Variants in NTPCR observed in about 807,000 individuals in gnomAD.
NTPCR encodes the protein nucleoside-triphosphatase, cancer-related.
Under a neutral mutation model 19.5 loss-of-function variants are expected in NTPCR, and 15 were observed. The ratio of observed to expected loss-of-function variants is 0.77; its 90% CI spans 0.51 to 1.18. The LOEUF is 1.18. Among genes scored for constraint, NTPCR ranks in the 50% most tolerant of loss-of-function variants. NTPCR has a pLI of 0.00. For missense variants in NTPCR, 206 were observed against 240.4 expected (o/e 0.86, Z 0.95); for synonymous variants, 90 against 95.8 (o/e 0.94, Z 0.36).
At position 232,957,918 on chromosome 1, in the gene NTPCR, T is replaced by C. The variant is rs149983271; in HGVS notation, c.294+1475T>C. Among the ~76,000 whole-genome samples the C allele has an allele frequency of 2.0e-4, 31 of 152,086 alleles. No homozygotes were observed. In the South Asian group the frequency reaches 2.5e-3, roughly 12 times the overall value. On this transcript the variant is annotated intron_variant, in intron 3 of 4. Coordinates refer to ENST00000366628, the MANE Select transcript of NTPCR (RefSeq NM_032324.3). ...ACAGAAAGGAACAGGTGAGAGGGCA[T>C]TGGGGAGAGAGAGTTAGTATTGGGG...
At chr1:232,964,060 G>A (rs1668744005) in intron 3 of NTPCR, 1 of 152,046 alleles carries the variant, frequency 6.6e-6, no homozygotes, top group Non-Finnish European at 1.5e-5. Flanking sequence ...TATCGTTAGT[G>A]TTCTAGTTTC....
chr1:232,951,332 G>A (rs910942796), intron 1 of NTPCR, among the ~76,000 whole-genome samples: 5 of 151,892 alleles, frequency 3.3e-5, no homozygotes, highest in African/African-American at 7.3e-5. Context: ...ACCTACAGGA[G>A]CCCTTCTCAG....
chr1:232,967,090 C>T (rs965817456), intron 3 of NTPCR: 2 of 152,172 alleles, frequency 1.3e-5, no homozygotes, highest in Non-Finnish European at 2.9e-5. Context: ...ACCTGGGCCC[C>T]TATTGTTCTA....
In NTPCR at chr1:232,980,885, G is replaced by C. The variant is rs1255100137; in HGVS notation, c.*2654G>C. On this transcript the variant is annotated 3_prime_UTR_variant, in exon 5 of 5. Transcript: ENST00000366628. ...GGTGGGGGCAGCAGGGCAGATTGAAGTCAGGGATTCTCTTATACCTGAGTT... is the reference window on the plus strand; with the variant it reads ...GGTGGGGGCAGCAGGGCAGATTGAACTCAGGGATTCTCTTATACCTGAGTT... 6.6e-6 allele frequency: 1 copy of C among 152,244 alleles called. No homozygotes were observed. The highest frequency in any genetic ancestry group is 1.5e-5 in the Non-Finnish European group (1 of 68,050). 9.4% of individuals were successfully genotyped at this position (152,244 alleles called of 1,614,324 possible).
intron 1 of NTPCR, among the ~76,000 whole-genome samples, chr1:232,953,738 C>A (rs1178716515): frequency 2.6e-5 from 4 of 151,504 alleles, no homozygotes; most frequent in Admixed American, 2.0e-4. Context: ...ACGTACTTGA[C>A]CATTCTTTAA....
rs1668329565 is a variant in NTPCR, at chr1:232,950,616, G to T, written c.-95G>T. 1 of 990,858 alleles carries T rather than the reference G, an allele frequency of 1.0e-6. No individual in the cohort carries two copies. Among genetic ancestry groups the T allele is most frequent in the African/African-American group, 1.6e-5 (1 of 61,816 alleles). The allele number at this position is 990,858 out of a possible 1,614,324, so 61.4% of individuals were successfully genotyped here. A position where few individuals can be genotyped will look rare whatever the true frequency, so the allele number is the denominator to read the frequency against. On this transcript the variant is annotated 5_prime_UTR_variant, in exon 1 of 5. Coordinates refer to ENST00000366628, the MANE Select transcript of NTPCR (RefSeq NM_032324.3). ...CGGGGCCTGCGACACGCGGTGGGCG[G>T]GTCCTGAGTCGCGACCCTGGTCCGG...
chr1:232,965,824 A>G (rs1438404109), intron 3 of NTPCR: 1 of 152,274 alleles, frequency 6.6e-6, no homozygotes, highest in Non-Finnish European at 1.5e-5. Flanking sequence ...CAGTCGGGTG[A>G]CCATGTGGGT....
Position 232,970,051 on chromosome 1 carries a change from T to C in NTPCR, c.437T>C (p.Val146Ala), listed in dbSNP as rs747233975. 1.2e-6 allele frequency: 2 copies of C among 1,614,188 alleles called. No homozygotes were observed. The highest frequency in any genetic ancestry group is 4.5e-5 in the East Asian group (2 of 44,880). The change falls in exon 4 of 5, where the codon GTT becomes GCT. Residue 146 changes from valine (V) to alanine (A), a missense_variant. Physicochemically the swap from Val to Ala is moderately conservative, Grantham distance 64. Transcript: ENST00000366628. ...ACTATAATCCTTGGCACAATCCCAG[T>C]TCCTAAAGGAAAGCCACTGGCTCTT... Reference protein sequence around the residue: ...PGTIILGTIPVPKGKPLALVE... With the variant: ...PGTIILGTIPAPKGKPLALVE...
chr1:232,952,397 C>A (rs1021442883), intron 1 of NTPCR, among the ~76,000 whole-genome samples: 3 of 151,316 alleles, frequency 2.0e-5, no homozygotes, highest in Non-Finnish European at 4.4e-5. Context: ...TTGTAGAGAC[C>A]TGTCTCTTGT....
At chr1:232,968,512 C>A (rs1445479186) in intron 3 of NTPCR, 1 of 152,176 alleles carries the variant, frequency 6.6e-6, no homozygotes, top group Non-Finnish European at 1.5e-5. Flanking sequence ...AACTTGTGAT[C>A]CTCCCTGGAT....
In NTPCR at chr1:232,979,896, A is replaced by G. The variant is rs966185333; in HGVS notation, c.*1665A>G. 60 of 152,424 alleles carry G rather than the reference A, an allele frequency of 3.9e-4. No individual in the cohort carries two copies. The highest frequency in any genetic ancestry group is 1.4e-3 in the African/African-American group (60 of 41,572). The allele number at this position is 152,424 out of a possible 1,614,324, so 9.4% of individuals were successfully genotyped here. A position where few individuals can be genotyped will look rare whatever the true frequency, so the allele number is the denominator to read the frequency against. On this transcript the variant is annotated 3_prime_UTR_variant, in exon 5 of 5. Transcript: ENST00000366628. The surrounding 1 kb of genome is among the most constrained non-coding windows in gnomAD (Gnocchi z 5.3). Reference sequence around the variant, plus strand: ...GAGGCAGGCTGGGGAAATGTCATCAATGTGCACCCAGGCGTGGTGGAGCTG... The same window carrying G: ...GAGGCAGGCTGGGGAAATGTCATCAGTGTGCACCCAGGCGTGGTGGAGCTG...
At chr1:232,965,294 A>G (rs1319629856) in intron 3 of NTPCR, 3 of 152,214 alleles carry the variant, frequency 2.0e-5, no homozygotes, top group Non-Finnish European at 2.9e-5. Flanking sequence ...CGTATTGCAC[A>G]CAGGGTGTGG....
chr1:232,956,168 G>T (rs758502756), intron 2 of NTPCR, among the ~76,000 whole-genome samples, 179 bp from the exon 3 acceptor site: 1 of 152,120 alleles, frequency 6.6e-6, no homozygotes, highest in African/African-American at 2.4e-5. Flanking sequence ...ACTTTGAACA[G>T]GGTAGCTCTG....
chr1:232,958,499 G>C (rs1668575508), intron 3 of NTPCR, among the ~76,000 whole-genome samples: 1 of 152,232 alleles, frequency 6.6e-6, no homozygotes, highest in Non-Finnish European at 1.5e-5. Context: ...TATAGCCTCT[G>C]AGGATATCCT....
In NTPCR at chr1:232,956,455, A is replaced by C; in HGVS notation, c.294+12A>C. The C allele has an allele frequency of 2.5e-6, 4 of 1,584,532 alleles. No individual in the cohort carries two copies. The highest frequency in any genetic ancestry group is 3.5e-6 in the Non-Finnish European group (4 of 1,153,356). On this transcript the variant is annotated intron_variant, in intron 3 of 4. Coordinates refer to ENST00000366628, the MANE Select transcript of NTPCR (RefSeq NM_032324.3). Reference sequence around the variant, plus strand: ...CCGTCTTGAGGAATGTGAGTACGTGATTTCTGCTTTTTGAACCCATCTGCT... The same window carrying C: ...CCGTCTTGAGGAATGTGAGTACGTGCTTTCTGCTTTTTGAACCCATCTGCT...
intron 3 of NTPCR, 116 bp downstream of exon 3, chr1:232,956,559 A>G (rs2102739222): frequency 7.4e-6 from 5 of 678,044 alleles, no homozygotes; most frequent in Admixed American, 2.4e-5. Context: ...GCATTTTACA[A>G]TTGAAAAGAT....
rs1571974726 is a variant in NTPCR, at chr1:232,983,353, A to G, written c.*5122A>G. On this transcript the variant is annotated 3_prime_UTR_variant, in exon 5 of 5. Coordinates refer to ENST00000366628, the MANE Select transcript of NTPCR (RefSeq NM_032324.3). ...GATGGGAAAAGTTGTCTCAGAATTT[A>G]CCCAAATGTCGTTCTCACCATAAAA... 1 of 152,350 alleles carries G rather than the reference A, an allele frequency of 6.6e-6. No individual in the cohort carries two copies. The highest frequency in any genetic ancestry group is 1.9e-4 in the East Asian group (1 of 5,192). 9.4% of individuals were successfully genotyped at this position (152,350 alleles called of 1,614,324 possible).
chr1:232,955,809 C>A, intron 2 of NTPCR, 90 bp downstream of exon 2: 1 of 1,286,182 alleles, frequency 7.8e-7, no homozygotes, highest in Admixed American at 1.8e-5. Flanking sequence ...CTAAATTCAC[C>A]AAAAGCAGAT....
chr1:232,968,222 A>G (rs1024038778), intron 3 of NTPCR: 1 of 152,376 alleles, frequency 6.6e-6, no homozygotes, highest in East Asian at 1.9e-4. Flanking sequence ...GAAGCATGTC[A>G]GAAACACAGA....
Sources: allele counts gnomAD v4.1 joint callset (sites outside exome capture counted in the v4.1 genomes callset), GRCh38; gene constraint gnomAD v4.1.1; non-coding constraint Gnocchi (gnomAD v3.1); transcripts MANE v1.5; gene names NCBI Gene and HGNC (gene_info 2026-07-23, HGNC 2026-07-21).